Variants in SH3GL1 observed in about 807,000 individuals in gnomAD.
SH3GL1 encodes the protein endophilin-A2.
In SH3GL1, 21 loss-of-function variants were observed where a neutral mutation model predicts 48.8. The ratio of observed to expected loss-of-function variants is 0.43; its 90% CI spans 0.30 to 0.62. The LOEUF (loss-of-function observed/expected upper bound fraction) is 0.62, where lower values mean the gene tolerates loss of function less well. Ranked by LOEUF, SH3GL1 falls within the 20% of genes least tolerant of loss-of-function variation. The probability of loss-of-function intolerance (pLI) is 0.11; values close to 1 mark genes in which losing one functional copy is unlikely to be tolerated. For synonymous variants in SH3GL1, 282 were observed against 217.5 expected, an observed-to-expected ratio of 1.30 and a Z score of -2.61; for missense variants, 454 against 503.0, an observed-to-expected ratio of 0.90 and a Z score of 0.93.
chr19:4,361,662 C>CCAG lies in SH3GL1; in HGVS notation c.1042_1044dup (p.Leu348dup). The CCAG allele has an allele frequency of 3.1e-6, 5 of 1,612,138 alleles. No individual in the cohort carries two copies. Among genetic ancestry groups the CCAG allele is most frequent in the Non-Finnish European group, 3.4e-6 (4 of 1,179,720 alleles). ...AGCGGGAAGAAGCCCGACTGGCCGT[C>CCAG]CAGCATGCCCTCGTACCAGTTCTCA... On this transcript the variant is annotated inframe_insertion, in exon 10 of 10. Coordinates refer to ENST00000269886, the MANE Select transcript of SH3GL1 (RefSeq NM_003025.4).
chr19:4,385,351 G>A (rs1234518933), intron 1 of SH3GL1, among the ~76,000 whole-genome samples: 1 of 152,204 alleles, frequency 6.6e-6, no homozygotes, highest in African/African-American at 2.4e-5. Context: ...GCCTGAACAA[G>A]GGAGGTGCCC....
At chr19:4,384,841 C>T (rs890126633) in intron 1 of SH3GL1, among the ~76,000 whole-genome samples, 13 of 152,194 alleles carry the variant, frequency 8.5e-5, no homozygotes, top group Non-Finnish European at 1.8e-4. Context: ...CGGTGGCTTA[C>T]GCCTGTAATC....
intron 1 of SH3GL1, among the ~76,000 whole-genome samples, chr19:4,375,444 G>A (rs1972988598): frequency 6.6e-6 from 1 of 152,254 alleles, no homozygotes; most frequent in Non-Finnish European, 1.5e-5. Context: ...CCCAGGGCTG[G>A]GCGAGGAATC....
intron 9 of SH3GL1, 90 bp from the exon 10 acceptor site, chr19:4,361,886 TG>T (rs749757706): frequency 8.8e-6 from 8 of 913,676 alleles, no homozygotes; most frequent in Non-Finnish European, 1.0e-5. Flanking sequence ...CTGGAGCGTG[TG>T]GGTGGGCATG....
intron 1 of SH3GL1, among the ~76,000 whole-genome samples, chr19:4,368,226 AG>A (rs1972823642): frequency 6.6e-6 from 1 of 152,240 alleles, no homozygotes; most frequent in East Asian, 1.9e-4. Flanking sequence ...GACGTGGCCA[AG>A]GGATGCCATG....
At chr19:4,362,757 G>A (rs754563567) in intron 7 of SH3GL1, 21 bp from the exon 8 acceptor site, 6 of 1,613,468 alleles carry the variant, frequency 3.7e-6, no homozygotes, top group South Asian at 3.3e-5. Flanking sequence ...AGAGGCGTGA[G>A]TGGACCGAGC....
At chr19:4,370,101 C>G (rs141368094) in intron 1 of SH3GL1, among the ~76,000 whole-genome samples, 2,758 of 152,350 alleles carry the variant, frequency 0.018, 44 homozygotes, top group Non-Finnish European at 0.029. Flanking sequence ...CGGGGAGGCT[C>G]ACCAGAGGGC....
Position 4,365,570 on chromosome 19 carries a change from C to A in SH3GL1, c.243G>T (p.Val81=). Residue 81 remains valine, a synonymous_variant, in exon 4 of 10, where the codon GTG becomes GTT. Coordinates refer to ENST00000269886, the MANE Select transcript of SH3GL1 (RefSeq NM_003025.4). ...LNTVSKIRGQ[V]KNPGYPQSEG... is the part of the protein sequence containing the mutation. Reference sequence around the variant, plus strand: ...CCGACTGCGGGTAGCCGGGGTTCTTCACCTGGCCCCGGATCTTGGACACCG... The same window carrying A: ...CCGACTGCGGGTAGCCGGGGTTCTTAACCTGGCCCCGGATCTTGGACACCG... 6.2e-7 allele frequency: 1 copy of A among 1,614,134 alleles called. No homozygotes were observed. The highest frequency in any genetic ancestry group is 8.5e-7 in the Non-Finnish European group (1 of 1,180,038).
At chr19:4,391,962 C>T (rs772927476) in intron 1 of SH3GL1, among the ~76,000 whole-genome samples, 6 of 152,246 alleles carry the variant, frequency 3.9e-5, no homozygotes, top group Admixed American at 1.3e-4. Flanking sequence ...CCTGCAAGAA[C>T]GGACTTAACT....
intron 1 of SH3GL1, among the ~76,000 whole-genome samples, chr19:4,398,975 T>G (rs1334489941): frequency 2.0e-5 from 3 of 152,094 alleles, no homozygotes; most frequent in African/African-American, 7.2e-5. Flanking sequence ...TGACAACTGG[T>G]TAAATAAATT....
intron 1 of SH3GL1, among the ~76,000 whole-genome samples, chr19:4,382,031 C>A (rs189460589): frequency 6.6e-6 from 1 of 152,028 alleles, no homozygotes. Flanking sequence ...GGGATCACCC[C>A]GGGCTAAGAT....
Position 4,400,235 on chromosome 19 carries a change from C to G in SH3GL1, c.45+89G>C, listed in dbSNP as rs761563785. 6.4e-4 allele frequency: 915 copies of G among 1,419,928 alleles called. No individual in the cohort carries two copies. The highest frequency in any genetic ancestry group is 8.0e-4 in the Non-Finnish European group (838 of 1,048,306). 88.0% of individuals were successfully genotyped at this position (1,419,928 alleles called of 1,614,324 possible). A position where few individuals can be genotyped will look rare whatever the true frequency, so the allele number is the denominator to read the frequency against. On this transcript the variant is annotated intron_variant, in intron 1 of 9. Coordinates refer to ENST00000269886, the MANE Select transcript of SH3GL1 (RefSeq NM_003025.4). This position sits in a 1 kb window ranked among gnomAD's most constrained non-coding sequence, Gnocchi z 4.1. ...GCCAACGTCCCCACCTCGGTCCCCC[C>G]GGCCCCCTCCCGGGCCAGGTCGGGC...
chr19:4,369,944 G>C (rs74333519), intron 1 of SH3GL1, among the ~76,000 whole-genome samples: 2,962 of 152,358 alleles, frequency 0.019, 79 homozygotes, highest in East Asian at 0.13. Flanking sequence ...GGAAAAGCAA[G>C]GCAGCCGGGC....
rs544137475 is a variant in SH3GL1, at chr19:4,400,025, C to G, written c.45+299G>C. On this transcript the variant is annotated intron_variant, in intron 1 of 9. Coordinates refer to ENST00000269886, the MANE Select transcript of SH3GL1 (RefSeq NM_003025.4). This position sits in a 1 kb window ranked among gnomAD's most constrained non-coding sequence, Gnocchi z 4.1. Reference sequence around the variant, plus strand: ...GGACTCCTCTCTTCCCCTTCTCTCCCCGCACCCCGCCTTTGCAGCGGAGAG... The same window carrying G: ...GGACTCCTCTCTTCCCCTTCTCTCCGCGCACCCCGCCTTTGCAGCGGAGAG... Among the ~76,000 whole-genome samples the G allele has an allele frequency of 1.3e-5, 2 of 152,176 alleles. No individual in the cohort carries two copies. The highest frequency in any genetic ancestry group is 4.8e-5 in the African/African-American group (2 of 41,456).
In SH3GL1 at chr19:4,361,769, G is replaced by T; in HGVS notation, c.938C>A (p.Ala313Glu). ...MPPLDQPSCK[A>E]LYDFEPENDG... Reference sequence around the variant, plus strand: ...GTTCTCGGGCTCGAAGTCGTACAGCGCCTTGCAGCTCGGCTGGTCCAGGGG... The same window carrying T: ...GTTCTCGGGCTCGAAGTCGTACAGCTCCTTGCAGCTCGGCTGGTCCAGGGG... The change falls in exon 10 of 10, where the codon GCG becomes GAG. Residue 313 changes from alanine to glutamate, a missense_variant. Physicochemically the swap from Ala to Glu is moderately radical, Grantham distance 107 (BLOSUM62 -1). Transcript: ENST00000269886. 1 of 1,610,816 alleles carries T rather than the reference G, an allele frequency of 6.2e-7. No individual in the cohort carries two copies.
chr19:4,364,074 C>T lies in SH3GL1; in HGVS notation c.465+14G>A, dbSNP rs778625578. ...GGGGAAGGGACAGGCCCCAGGCTGG[C>T]GCAGGAGCAGCACCTGGATCTCCTT... On this transcript the variant is annotated intron_variant, in intron 5 of 9. Coordinates refer to ENST00000269886, the MANE Select transcript of SH3GL1 (RefSeq NM_003025.4). The T allele has an allele frequency of 3.0e-5, 48 of 1,611,578 alleles. No homozygotes were observed. The highest frequency in any genetic ancestry group is 4.3e-4 in the Middle Eastern group (2 of 4,598).
In SH3GL1 at chr19:4,400,108, G is replaced by A. The variant is rs917670846; in HGVS notation, c.45+216C>T. On this transcript the variant is annotated intron_variant, in intron 1 of 9. Transcript: ENST00000269886. This position sits in a 1 kb window ranked among gnomAD's most constrained non-coding sequence, Gnocchi z 4.1. ...CCAGGGTGCCTCTCCCCTCCTCCCAGGGGCTCTGTCCCCGCTTCTGGAGCC... is the reference window on the plus strand; with the variant it reads ...CCAGGGTGCCTCTCCCCTCCTCCCAAGGGCTCTGTCCCCGCTTCTGGAGCC... 6.6e-6 allele frequency among the ~76,000 whole-genome samples: 1 copy of A among 152,136 alleles called. No individual in the cohort carries two copies. The highest frequency in any genetic ancestry group is 2.4e-5 in the African/African-American group (1 of 41,452).
At chr19:4,363,670 C>T in intron 6 of SH3GL1, 50 bp downstream of exon 6, 1 of 1,608,314 alleles carries the variant, frequency 6.2e-7, no homozygotes, top group Non-Finnish European at 8.5e-7. Flanking sequence ...ACCACCCCGG[C>T]CTCCCAAGGG....
chr19:4,391,103 T>C (rs1973330106), intron 1 of SH3GL1, among the ~76,000 whole-genome samples: 1 of 152,060 alleles, frequency 6.6e-6, no homozygotes, highest in South Asian at 2.1e-4. Context: ...ACCTGCAGGT[T>C]TCTCCTTTGA....
Sources: allele counts gnomAD v4.1 joint callset (sites outside exome capture counted in the v4.1 genomes callset), GRCh38; gene constraint gnomAD v4.1.1; non-coding constraint Gnocchi (gnomAD v3.1); transcripts MANE v1.5; gene names NCBI Gene and HGNC (gene_info 2026-07-23, HGNC 2026-07-21).